Variants in PSMD14 observed in about 807,000 individuals in gnomAD.
The protein encoded by PSMD14 is ubiquitin C-terminal hydrolase PSMD14.
In PSMD14, 7 loss-of-function variants were observed where a neutral mutation model predicts 41.2. The ratio of observed to expected loss-of-function variants is 0.17; its 90% CI spans 0.10 to 0.32. The LOEUF (loss-of-function observed/expected upper bound fraction) is 0.32, where lower values mean the gene tolerates loss of function less well. PSMD14 is among the 10% of genes least tolerant of loss of function. The pLI is 1.00. For synonymous variants in PSMD14, 114 were observed against 122.3 expected (o/e 0.93, Z 0.45); for missense variants, 139 against 375.6 (o/e 0.37, Z 5.21).
At chr2:161,407,340 C>T (rs1021883316) in intron 10 of PSMD14, among the ~76,000 whole-genome samples, 6 of 152,198 alleles carry the variant, frequency 3.9e-5, no homozygotes, top group African/African-American at 1.2e-4. Flanking sequence ...AGCATATTCT[C>T]TGTCTAGATT....
intron 3 of PSMD14, among the ~76,000 whole-genome samples, chr2:161,354,095 G>A (rs973456048): frequency 6.6e-6 from 1 of 152,152 alleles, no homozygotes; most frequent in Non-Finnish European, 1.5e-5. Context: ...GAACAATTCT[G>A]ATACCTCAGT....
Position 161,389,788 on chromosome 2 carries a change from A to G in PSMD14, c.571-1316A>G, listed in dbSNP as rs554671498. Among the ~76,000 whole-genome samples, 197 of 151,476 alleles carry G rather than the reference A, an allele frequency of 1.3e-3. 1 individual carries two copies. The highest frequency in any genetic ancestry group is 4.6e-3 in the African/African-American group (192 of 41,330). On this transcript the variant is annotated intron_variant, in intron 8 of 11. Coordinates refer to ENST00000409682, the MANE Select transcript of PSMD14 (RefSeq NM_005805.6). The stretch of plus-strand genomic sequence containing the variant: ...TAGTATGTTAGAAAGAACATAGGCT[A>G]TGGAATCAGAATGACCTAGGTTCAG...
At chr2:161,320,403 G>A (rs1689190378) in intron 3 of PSMD14, among the ~76,000 whole-genome samples, 1 of 152,120 alleles carries the variant, frequency 6.6e-6, no homozygotes, top group African/African-American at 2.4e-5. Context: ...TTTATATCAA[G>A]TGAAAAACTT....
intron 10 of PSMD14, 47 bp from the exon 11 acceptor site, chr2:161,408,790 T>C: frequency 7.0e-7 from 1 of 1,435,510 alleles, no homozygotes; most frequent in South Asian, 1.2e-5. Flanking sequence ...GCAGTGGGAA[T>C]AGAGGATTTA....
At chr2:161,408,938 A>G (rs760030890) in intron 11 of PSMD14, 39 bp downstream of exon 11, 2 of 1,504,682 alleles carry the variant, frequency 1.3e-6, no homozygotes, top group Non-Finnish European at 9.2e-7. Context: ...GTTGCATAAT[A>G]ACATGTTCTT....
At chr2:161,312,301 G>A (rs1276460823) in intron 1 of PSMD14, among the ~76,000 whole-genome samples, 2 of 151,864 alleles carry the variant, frequency 1.3e-5, no homozygotes, top group East Asian at 1.9e-4. Context: ...CCGTCACCAC[G>A]CCCAGCTAAT....
chr2:161,315,826 A>C (rs1277907844), intron 1 of PSMD14, among the ~76,000 whole-genome samples: 1 of 147,226 alleles, frequency 6.8e-6, no homozygotes, highest in Non-Finnish European at 1.5e-5. Context: ...AATATAAGTA[A>C]ATTTTTATTT....
intron 3 of PSMD14, among the ~76,000 whole-genome samples, chr2:161,325,603 ACATT>A (rs1682683492): frequency 6.6e-6 from 1 of 152,220 alleles, no homozygotes; most frequent in Admixed American, 6.5e-5. Flanking sequence ...AATTAATCAT[ACATT>A]CAACCCAGTT....
chr2:161,315,146 C>T (rs140139657), intron 1 of PSMD14, among the ~76,000 whole-genome samples: 99 of 152,224 alleles, frequency 6.5e-4, no homozygotes, highest in African/African-American at 2.2e-3. Context: ...CCCCCGGGGA[C>T]GTTTGGTAAA....
intron 3 of PSMD14, among the ~76,000 whole-genome samples, chr2:161,328,999 T>C (rs1266425402): frequency 1.3e-5 from 2 of 152,158 alleles, no homozygotes; most frequent in East Asian, 3.8e-4. Context: ...AGTTTTTTAA[T>C]GCCTTACCTA....
At chr2:161,367,719 T>C (rs1683378228) in intron 4 of PSMD14, 65 bp from the exon 5 acceptor site, 2 of 1,550,766 alleles carry the variant, frequency 1.3e-6, no homozygotes, top group Non-Finnish European at 1.7e-6. Context: ...GGTTTTTGTT[T>C]TATAAAGAAG....
intron 10 of PSMD14, chr2:161,408,381 T>A (rs1683982182): frequency 6.1e-6 from 1 of 162,630 alleles, no homozygotes; most frequent in South Asian, 1.6e-4. Flanking sequence ...GATAGTTAAA[T>A]AGATACTGAA....
intron 3 of PSMD14, among the ~76,000 whole-genome samples, chr2:161,351,917 A>T (rs986144085): frequency 6.6e-6 from 1 of 152,172 alleles, no homozygotes; most frequent in African/African-American, 2.4e-5. Flanking sequence ...CAGTCGTACT[A>T]TGTGCCTGAG....
chr2:161,368,710 G>A (rs183923869), intron 5 of PSMD14, among the ~76,000 whole-genome samples: 2 of 151,924 alleles, frequency 1.3e-5, no homozygotes, highest in Non-Finnish European at 2.9e-5. Context: ...TTCTCTTACT[G>A]AGCCTTGTAA....
intron 10 of PSMD14, among the ~76,000 whole-genome samples, chr2:161,398,388 G>A (rs1041019018): frequency 2.6e-5 from 4 of 151,994 alleles, no homozygotes; most frequent in East Asian, 3.9e-4. Context: ...AAATTCTTAC[G>A]TCCCAAGTTT....
chr2:161,354,208 G>C (rs1217456008), intron 3 of PSMD14, among the ~76,000 whole-genome samples: 1 of 152,080 alleles, frequency 6.6e-6, no homozygotes, highest in Admixed American at 6.6e-5. Context: ...TCTGAAGTTT[G>C]AACTGATCTC....
At chr2:161,346,307 C>T (rs1189566727) in intron 3 of PSMD14, among the ~76,000 whole-genome samples, 3 of 152,148 alleles carry the variant, frequency 2.0e-5, no homozygotes, top group Non-Finnish European at 4.4e-5. Flanking sequence ...TCTCTGAACT[C>T]ACCCCCTGCT....
chr2:161,396,470 C>T (rs1683797918), intron 10 of PSMD14, among the ~76,000 whole-genome samples: 1 of 152,092 alleles, frequency 6.6e-6, no homozygotes, highest in Admixed American at 6.6e-5. Context: ...GAAATCCTGT[C>T]ATTTATGACA....
At chr2:161,380,587 G>A (rs1437415591) in intron 7 of PSMD14, among the ~76,000 whole-genome samples, 2 of 151,920 alleles carry the variant, frequency 1.3e-5, no homozygotes, top group Non-Finnish European at 2.9e-5. Context: ...ATTCTCCGAG[G>A]ATGAAGAAAG....
Sources: allele counts gnomAD v4.1 joint callset (sites outside exome capture counted in the v4.1 genomes callset), GRCh38; gene constraint gnomAD v4.1.1; transcripts MANE v1.5; gene names NCBI Gene and HGNC (gene_info 2026-07-23, HGNC 2026-07-21).